FAM135B: variants seen among roughly 807,000 people sequenced by gnomAD.
FAM135B encodes the protein protein FAM135B.
In FAM135B, 43 loss-of-function variants were observed where a neutral mutation model predicts 127.7. The ratio of observed to expected loss-of-function variants is 0.34; its 90% confidence interval spans 0.26 to 0.43. The LOEUF (loss-of-function observed/expected upper bound fraction) is 0.43. Ranked by LOEUF, FAM135B falls within the 20% of genes least tolerant of loss-of-function variation. The pLI, the probability that FAM135B is intolerant of heterozygous loss-of-function variation, is 1.00. For missense variants in FAM135B, 1,558 were observed against 1,725.6 expected, an observed-to-expected ratio of 0.90 and a Z score of 1.72; for synonymous variants, 670 against 665.1, an observed-to-expected ratio of 1.01 and a Z score of -0.11.
chr8:138,234,712 T>C (rs1386339764), intron 7 of FAM135B, among the ~76,000 whole-genome samples: 1 of 152,234 alleles, frequency 6.6e-6, no homozygotes, highest in Non-Finnish European at 1.5e-5. Context: ...ACAAATGTCC[T>C]TGTGGCACAC....
At chr8:138,136,085 T>C (rs753903407) in intron 19 of FAM135B, among the ~76,000 whole-genome samples, 1 of 152,040 alleles carries the variant, frequency 6.6e-6, no homozygotes, top group Non-Finnish European at 1.5e-5. Context: ...GAATATGCCC[T>C]GTGTTACTTT....
chr8:138,142,454 C>T (rs1340029074), intron 16 of FAM135B, among the ~76,000 whole-genome samples: 2 of 151,820 alleles, frequency 1.3e-5, no homozygotes, highest in Admixed American at 1.3e-4. Context: ...CAGGTGCCCG[C>T]CACCACTCCC....
chr8:138,133,548 T>G (rs1427974731), intron 19 of FAM135B, among the ~76,000 whole-genome samples: 16 of 152,206 alleles, frequency 1.1e-4, no homozygotes, highest in African/African-American at 2.7e-4. Context: ...TCCTGAGAGC[T>G]GGGATATTTT....
At chr8:138,390,577 C>A (rs1286752740) in intron 1 of FAM135B, among the ~76,000 whole-genome samples, 1 of 152,140 alleles carries the variant, frequency 6.6e-6, no homozygotes, top group Non-Finnish European at 1.5e-5. Context: ...GTTGTCCTAT[C>A]ACCACTGTAT....
intron 1 of FAM135B, among the ~76,000 whole-genome samples, chr8:138,422,924 C>T (rs975847765): frequency 2.6e-5 from 4 of 152,240 alleles, no homozygotes; most frequent in South Asian, 2.1e-4. Context: ...CCATGGAATA[C>T]GATGCAATCA....
chr8:138,248,638 G>A (rs1214461781), intron 6 of FAM135B, among the ~76,000 whole-genome samples: 2 of 151,896 alleles, frequency 1.3e-5, no homozygotes, highest in Non-Finnish European at 2.9e-5. Flanking sequence ...TGAGCAACTT[G>A]GTGAAACCCT....
intron 13 of FAM135B, among the ~76,000 whole-genome samples, chr8:138,149,815 T>A (rs1817976687): frequency 6.6e-6 from 1 of 151,648 alleles, no homozygotes; most frequent in African/African-American, 2.4e-5. Context: ...ACATGAAACA[T>A]CATATTTACC....
At chr8:138,277,050 C>T (rs1476212434) in intron 3 of FAM135B, among the ~76,000 whole-genome samples, 1 of 152,112 alleles carries the variant, frequency 6.6e-6, no homozygotes, top group Non-Finnish European at 1.5e-5. Context: ...CAAGGTATCC[C>T]CATGCCATGC....
intron 7 of FAM135B, among the ~76,000 whole-genome samples, chr8:138,206,004 C>T (rs1817523107): frequency 6.7e-6 from 1 of 150,284 alleles, no homozygotes; most frequent in Non-Finnish European, 1.5e-5. Context: ...ATCACCTCGA[C>T]CTATGCAAGA....
chr8:138,134,422 C>T (rs1173458020), intron 19 of FAM135B, among the ~76,000 whole-genome samples: 2 of 152,142 alleles, frequency 1.3e-5, no homozygotes, highest in African/African-American at 2.4e-5. Flanking sequence ...GTAGTGATTA[C>T]TCAACCAGAT....
intron 1 of FAM135B, among the ~76,000 whole-genome samples, chr8:138,422,907 A>C (rs1327665526): frequency 2.0e-5 from 3 of 152,216 alleles, no homozygotes; most frequent in Non-Finnish European, 2.9e-5. Flanking sequence ...AATGTGGTCA[A>C]TATACACCAT....
chr8:138,187,597 G>A (rs1302365877), intron 9 of FAM135B, among the ~76,000 whole-genome samples: 1 of 152,178 alleles, frequency 6.6e-6, no homozygotes, highest in African/African-American at 2.4e-5. Flanking sequence ...AGAGCCTCTA[G>A]CCCCCATATG....
intron 2 of FAM135B, among the ~76,000 whole-genome samples, chr8:138,349,705 A>T (rs923015248): frequency 6.6e-6 from 1 of 152,194 alleles, no homozygotes; most frequent in East Asian, 1.9e-4. Context: ...GGATAGATGG[A>T]TGGACAGACA....
intron 2 of FAM135B, among the ~76,000 whole-genome samples, chr8:138,356,022 C>T (rs769495101): frequency 6.6e-6 from 1 of 152,084 alleles, no homozygotes; most frequent in Admixed American, 6.5e-5. Flanking sequence ...GCTTTTTCTC[C>T]CTTCCACTTT....
chr8:138,171,848 G>A (rs1457117534), intron 11 of FAM135B, among the ~76,000 whole-genome samples: 3 of 152,300 alleles, frequency 2.0e-5, no homozygotes, highest in African/African-American at 7.2e-5. Flanking sequence ...CAGGCATGTG[G>A]TTACGGGTGT....
chr8:138,393,173 A>G (rs1832677812), intron 1 of FAM135B, among the ~76,000 whole-genome samples: 1 of 152,138 alleles, frequency 6.6e-6, no homozygotes, highest in African/African-American at 2.4e-5. Context: ...CCATGAATCA[A>G]TTATCTCCCA....
rs1818234041 is a variant in FAM135B at position 138,152,250 on chromosome 8, C to T, written c.2225G>A (p.Gly742Asp). The change falls in exon 13 of 20, where the codon GGC becomes GAC. Residue 742 changes from glycine to aspartate, a missense_variant. Physicochemically the swap from Gly to Asp is moderately conservative, Grantham distance 94. Around this residue, in one of 5 missense-constraint regions of FAM135B, gnomAD observed 923 missense variants for 865.3 expected, o/e 1.07. Transcript: ENST00000395297. ...HTESNTSLPS[G>D]IQASLTSISS... ...AATGGAGGTGAGAGAAGCCTGGATG[C>T]CGCTTGGCAAACTTGTGTTACTTTC... is the stretch of plus-strand genomic sequence containing the variant. The T allele has an allele frequency of 6.2e-7, 1 of 1,614,118 alleles. No individual in the cohort carries two copies. The highest frequency in any genetic ancestry group is 8.5e-7 in the Non-Finnish European group (1 of 1,180,040).
intron 1 of FAM135B, among the ~76,000 whole-genome samples, chr8:138,405,190 G>T (rs1287626423): frequency 6.6e-6 from 1 of 151,762 alleles, no homozygotes; most frequent in African/African-American, 2.4e-5. Context: ...CATTTTCAAT[G>T]AGTAGTAATA....
chr8:138,225,455 CAA>C (rs67074047), intron 7 of FAM135B, among the ~76,000 whole-genome samples: 1 of 136,928 alleles, frequency 7.3e-6, no homozygotes, highest in Admixed American at 7.3e-5. Flanking sequence ...GCCAAAAAAA[CAA>C]AAAAAAAACA....
Sources: gnomAD v4.1 joint callset for allele counts (sites outside exome capture counted in the v4.1 genomes callset) on GRCh38, gnomAD v4.1.1 for gene constraint, gnomAD v4.1.1 regional missense constraint, MANE v1.5 for transcripts, NCBI Gene and HGNC (gene_info 2026-07-23, HGNC 2026-07-21) for gene names.